Variants in ZNF326 observed in about 807,000 individuals in gnomAD.
The protein encoded by ZNF326 is zinc finger protein 326.
In ZNF326, 30 loss-of-function variants were observed where a neutral mutation model predicts 63.1. The ratio of observed to expected loss-of-function variants is 0.48; its 90% CI spans 0.36 to 0.64. The LOEUF (loss-of-function observed/expected upper bound fraction) is 0.64. ZNF326 is among the 30% of genes least tolerant of loss of function. The probability of loss-of-function intolerance (pLI) is 0.00; values close to 1 mark genes in which losing one functional copy is unlikely to be tolerated. For synonymous variants in ZNF326, 194 were observed against 228.2 expected (o/e 0.85, Z 1.35); for missense variants, 609 against 720.3 (o/e 0.85, Z 1.77).
chr1:90,025,468 A>G (rs1488765123), intron 11 of ZNF326, among the ~76,000 whole-genome samples: 2 of 152,086 alleles, frequency 1.3e-5, no homozygotes, highest in Non-Finnish European at 2.9e-5. Flanking sequence ...AATGCTTCTT[A>G]AATATGCAAG....
intron 10 of ZNF326, 115 bp from the exon 11 acceptor site, chr1:90,022,135 T>C (rs1649799236): frequency 2.7e-6 from 2 of 745,610 alleles, no homozygotes; most frequent in Non-Finnish European, 4.5e-6. Flanking sequence ...CTATAGTTTG[T>C]AAGAAGATAA....
At chr1:90,025,674 A>G (rs907521838) in intron 11 of ZNF326, among the ~76,000 whole-genome samples, 2 of 152,314 alleles carry the variant, frequency 1.3e-5, no homozygotes, top group East Asian at 1.9e-4. Flanking sequence ...TAACTGTCAC[A>G]TCATACTTTT....
intron 2 of ZNF326, among the ~76,000 whole-genome samples, chr1:90,001,022 C>T (rs1462411724): frequency 6.6e-6 from 1 of 152,086 alleles, no homozygotes; most frequent in Admixed American, 6.6e-5. Flanking sequence ...TGGGGCATAT[C>T]ATGTAGGGCA....
At position 90,007,199 on chromosome 1, in the gene ZNF326, C is replaced by G; in HGVS notation, c.210-146C>G. ...TCACGTTGAACTGCCCAGCCCTAAT[C>G]AAATGTGAACAAAAGTAGAACTGTG... is the stretch of plus-strand genomic sequence containing the variant. On this transcript the variant is annotated intron_variant, in intron 4 of 11. Transcript: ENST00000340281. This position sits in a 1 kb window ranked among gnomAD's most constrained non-coding sequence, Gnocchi z 4.9. 1 of 742,472 alleles carries G rather than the reference C, an allele frequency of 1.3e-6. No individual in the cohort carries two copies. Among genetic ancestry groups the G allele is most frequent in the Non-Finnish European group, 2.1e-6 (1 of 481,444 alleles). 46.0% of individuals were successfully genotyped at this position (742,472 alleles called of 1,614,324 possible). A position where few individuals can be genotyped will look rare whatever the true frequency, so the allele number is the denominator to read the frequency against.
Position 90,006,140 on chromosome 1 carries a change from C to A in ZNF326, c.209+896C>A. 5.1e-6 allele frequency: 5 copies of A among 985,312 alleles called. No homozygotes were observed. In the South Asian group the frequency reaches 1.9e-4, roughly 37 times the overall value. The allele number at this position is 985,312 out of a possible 1,614,324, so 61.0% of individuals were successfully genotyped here. ...TTCCTTCTTTCTGCTTCCAGTGTAC[C>A]ACTATGGTTTATAGTAAAGAAAAAT... On this transcript the variant is annotated intron_variant, in intron 4 of 11. Transcript: ENST00000340281.
In ZNF326 at chr1:90,011,355, A is replaced by G. The variant is rs528654847; in HGVS notation, c.814+1069A>G. 2.0e-5 allele frequency among the ~76,000 whole-genome samples: 3 copies of G among 152,278 alleles called. No homozygotes were observed. In the East Asian group the frequency reaches 5.8e-4, roughly 29 times the overall value. ...AGAAAATTAGTAGGAAAGGAACCCT[A>G]TTCTGTCACTTGGCTAGAAGTACAA... On this transcript the variant is annotated intron_variant, in intron 6 of 11. Transcript: ENST00000340281.
In ZNF326 at chr1:89,995,229, G is replaced by A; in HGVS notation, c.-29G>A. ...GCCGGCCATAGCTCAGCCTAGCGCC[G>A]CCAAGGCCGACGGCCCTCAGCCTCT... is the stretch of plus-strand genomic sequence containing the variant. On this transcript the variant is annotated 5_prime_UTR_variant, in exon 1 of 12. Coordinates refer to ENST00000340281, the MANE Select transcript of ZNF326 (RefSeq NM_182976.4). 3.2e-6 allele frequency: 5 copies of A among 1,543,674 alleles called. No individual in the cohort carries two copies. Among genetic ancestry groups the A allele is most frequent in the Admixed American group, 1.9e-5 (1 of 51,358 alleles).
intron 6 of ZNF326, among the ~76,000 whole-genome samples, chr1:90,012,059 C>T (rs575129765): frequency 6.6e-6 from 1 of 152,228 alleles, no homozygotes; most frequent in East Asian, 1.9e-4. Context: ...GTCTTGAACC[C>T]CTGGCCTCAA....
intron 7 of ZNF326, among the ~76,000 whole-genome samples, chr1:90,014,105 A>C (rs969447666): frequency 1.3e-5 from 2 of 152,084 alleles, no homozygotes; most frequent in African/African-American, 4.8e-5. Flanking sequence ...ATGAAATAAC[A>C]ACAAAAATCA....
In ZNF326 at chr1:90,028,614, T is replaced by A. The variant is rs1385091530; in HGVS notation, c.*913T>A. 6.6e-6 allele frequency: 1 copy of A among 152,162 alleles called. No homozygotes were observed. Among genetic ancestry groups the A allele is most frequent in the Non-Finnish European group, 1.5e-5 (1 of 68,018 alleles). 9.4% of individuals were successfully genotyped at this position (152,162 alleles called of 1,614,324 possible). On this transcript the variant is annotated 3_prime_UTR_variant, in exon 12 of 12. Coordinates refer to ENST00000340281, the MANE Select transcript of ZNF326 (RefSeq NM_182976.4). ...GAAGCAGACTTTTCTTTTAAAAGAA[T>A]TATTTCTCTTTCAAATATTTCTATC... is the stretch of plus-strand genomic sequence containing the variant.
intron 1 of ZNF326, among the ~76,000 whole-genome samples, chr1:89,996,694 G>A (rs1648392698): frequency 1.3e-5 from 2 of 151,678 alleles, no homozygotes; most frequent in South Asian, 2.1e-4. Context: ...AGCCGAGATC[G>A]TGCCATTGCA....
At position 90,033,891 on chromosome 1, in the gene ZNF326, C is replaced by A. The variant is rs570309151; in HGVS notation, c.*6190C>A. On this transcript the variant is annotated 3_prime_UTR_variant, in exon 12 of 12. Coordinates refer to ENST00000340281, the MANE Select transcript of ZNF326 (RefSeq NM_182976.4). ...TTTTTGAATGTATGTATGTATGTTA[C>A]AGTATAAATATATAGAGGAGTTCCA... is the stretch of plus-strand genomic sequence containing the variant. The A allele has an allele frequency of 1.3e-4, 20 of 148,370 alleles. 2 individuals carry two copies. Among genetic ancestry groups the A allele is most frequent in the African/African-American group, 4.7e-4 (19 of 40,238 alleles). The allele number at this position is 148,370 out of a possible 1,614,324, so 9.2% of individuals were successfully genotyped here. A position where few individuals can be genotyped will look rare whatever the true frequency, so the allele number is the denominator to read the frequency against.
Position 90,020,786 on chromosome 1 carries a change from T to C in ZNF326, c.1175-6T>C. On this transcript the variant is annotated splice_region_variant and splice_polypyrimidine_tract_variant and intron_variant, in intron 9 of 11. Transcript: ENST00000340281. ...TATTTCTTTAATAATTGGATGTCTT[T>C]TGTAGGTGTTACTGTAGATGATCAC... 6.2e-7 allele frequency: 1 copy of C among 1,601,200 alleles called. No homozygotes were observed.
At chr1:90,003,767 A>C (rs1648814672) in intron 2 of ZNF326, among the ~76,000 whole-genome samples, 1 of 152,200 alleles carries the variant, frequency 6.6e-6, no homozygotes, top group Non-Finnish European at 1.5e-5. Flanking sequence ...ATCTCTTTGG[A>C]CGTCAGTTCC....
At chr1:90,005,547 C>T in intron 4 of ZNF326, 1 of 952,858 alleles carries the variant, frequency 1.0e-6, no homozygotes, top group African/African-American at 1.7e-5. Context: ...ATCAAAGTAT[C>T]CTGAAAAATG....
At chr1:90,024,835 G>A (rs181976858) in intron 11 of ZNF326, among the ~76,000 whole-genome samples, 18 of 152,200 alleles carry the variant, frequency 1.2e-4, no homozygotes, top group Admixed American at 1.0e-3. Flanking sequence ...ACCATTAGAT[G>A]TAAATTCAGT....
At chr1:90,021,131 G>A (rs1649752060) in intron 10 of ZNF326, among the ~76,000 whole-genome samples, 1 of 152,006 alleles carries the variant, frequency 6.6e-6, no homozygotes, top group South Asian at 2.1e-4. Context: ...TATAACATGT[G>A]TTACGCAAGC....
chr1:90,006,265 G>A (rs1648981681), intron 4 of ZNF326: 3 of 982,972 alleles, frequency 3.1e-6, no homozygotes, highest in Admixed American at 1.2e-4. Flanking sequence ...CTAGGATTCA[G>A]AAGTAAATCT....
Position 90,007,783 on chromosome 1 carries a change from C to T in ZNF326, c.615+33C>T. On this transcript the variant is annotated intron_variant, in intron 5 of 11. Coordinates refer to ENST00000340281, the MANE Select transcript of ZNF326 (RefSeq NM_182976.4). This position sits in a 1 kb window ranked among gnomAD's most constrained non-coding sequence, Gnocchi z 4.9. ...CAACAGAATCTTTTCAGATTCTTTT[C>T]ACTAGTCACTCTTTTAAACCCTTTC... The T allele has an allele frequency of 6.8e-7, 1 of 1,474,300 alleles. No individual in the cohort carries two copies. Among genetic ancestry groups the T allele is most frequent in the Admixed American group, 2.4e-5 (1 of 41,494 alleles). 91.3% of individuals were successfully genotyped at this position (1,474,300 alleles called of 1,614,324 possible).
Sources: allele counts gnomAD v4.1 joint callset (sites outside exome capture counted in the v4.1 genomes callset), GRCh38; gene constraint gnomAD v4.1.1; non-coding constraint Gnocchi (gnomAD v3.1); transcripts MANE v1.5; gene names NCBI Gene and HGNC (gene_info 2026-07-23, HGNC 2026-07-21).